CPEB1: variants seen among roughly 807,000 people sequenced by gnomAD.
CPEB1 encodes the protein cytoplasmic polyadenylation element-binding protein 1.
In CPEB1, 7 loss-of-function variants were observed where a neutral mutation model predicts 65.8. That is an observed-to-expected ratio of 0.11 (90% CI 0.06 to 0.20). The LOEUF (loss-of-function observed/expected upper bound fraction) is 0.20. CPEB1 is among the 10% of genes least tolerant of loss of function. The probability of loss-of-function intolerance (pLI) is 1.00; values close to 1 mark genes in which losing one functional copy is unlikely to be tolerated. For synonymous variants in CPEB1, 262 were observed against 260.0 expected (o/e 1.01, Z -0.08); for missense variants, 551 against 712.2 (o/e 0.77, Z 2.58).
chr15:82,576,467 A>T (rs1276432625), intron 3 of CPEB1, among the ~76,000 whole-genome samples: 1 of 152,256 alleles, frequency 6.6e-6, no homozygotes, highest in Non-Finnish European at 1.5e-5. Context: ...AAACAAATAT[A>T]GTATTGAATA....
intron 1 of CPEB1, among the ~76,000 whole-genome samples, chr15:82,641,201 T>C (rs2047081150): frequency 6.6e-6 from 1 of 152,062 alleles, no homozygotes; most frequent in African/African-American, 2.4e-5. Context: ...TAACACCTTT[T>C]GAGCTTCACA....
intron 3 of CPEB1, among the ~76,000 whole-genome samples, chr15:82,619,298 C>T (rs1243519584): frequency 1.3e-5 from 2 of 152,148 alleles, no homozygotes; most frequent in African/African-American, 2.4e-5. Context: ...AAACAAAATT[C>T]CAGATGGGTT....
intron 3 of CPEB1, among the ~76,000 whole-genome samples, chr15:82,621,174 T>C (rs1191138835): frequency 6.6e-6 from 1 of 152,198 alleles, no homozygotes. Context: ...TATGATCCAG[T>C]ACAATAAGAA....
intron 3 of CPEB1, among the ~76,000 whole-genome samples, chr15:82,580,328 A>G (rs948803494): frequency 6.6e-6 from 1 of 151,882 alleles, no homozygotes; most frequent in African/African-American, 2.4e-5. Context: ...TTAAAAAAAA[A>G]AAAAAAGAAG....
At chr15:82,648,422 C>G (rs1000458738), upstream of CPEB1, 14 of 152,386 alleles carry the variant, frequency 9.2e-5, no homozygotes, top group Admixed American at 7.8e-4. Flanking sequence ...CCCCTGGGCT[C>G]CAGGAGGCGC....
At chr15:82,552,640 C>G (rs117172003) in intron 8 of CPEB1, 24 bp from the exon 9 acceptor site, 27,036 of 1,613,174 alleles carry the variant, frequency 0.017, 287 homozygotes, top group Non-Finnish European at 0.02. Flanking sequence ...GAGGAAAAAT[C>G]GCATTAATAT....
intron 3 of CPEB1, among the ~76,000 whole-genome samples, chr15:82,579,457 C>T (rs1262969874): frequency 6.6e-6 from 1 of 151,324 alleles, no homozygotes; most frequent in Non-Finnish European, 1.5e-5. Flanking sequence ...TTCCAATAAA[C>T]AATTATTAAA....
intron 11 of CPEB1, 59 bp from the exon 12 acceptor site, chr15:82,546,580 C>T (rs1297962338): frequency 6.2e-6 from 8 of 1,285,368 alleles, no homozygotes; most frequent in South Asian, 1.2e-5. Flanking sequence ...GCTCGATAGG[C>T]GATAGAAGAA....
intron 3 of CPEB1, among the ~76,000 whole-genome samples, chr15:82,621,101 G>C (rs1327396052): frequency 1.3e-5 from 2 of 152,138 alleles, no homozygotes; most frequent in African/African-American, 4.8e-5. Flanking sequence ...CTGCAAGATG[G>C]GACTGAATGT....
chr15:82,598,965 A>C (rs900807929), intron 3 of CPEB1, among the ~76,000 whole-genome samples: 3 of 152,172 alleles, frequency 2.0e-5, no homozygotes, highest in Non-Finnish European at 4.4e-5. Flanking sequence ...AAGTAAAAAA[A>C]TTTTAACTCT....
chr15:82,554,594 C>T (rs1349120494), intron 6 of CPEB1, among the ~76,000 whole-genome samples: 1 of 152,200 alleles, frequency 6.6e-6, no homozygotes, highest in Non-Finnish European at 1.5e-5. Context: ...TTCCTTGATG[C>T]CAGCATGGTA....
At chr15:82,604,249 C>T (rs1162752323) in intron 3 of CPEB1, among the ~76,000 whole-genome samples, 5 of 151,974 alleles carry the variant, frequency 3.3e-5, no homozygotes, top group African/African-American at 4.8e-5. Context: ...TTTGGGAGGC[C>T]GAGGCAGGCG....
At chr15:82,562,910 A>C (rs960677001) in intron 4 of CPEB1, among the ~76,000 whole-genome samples, 9 of 152,244 alleles carry the variant, frequency 5.9e-5, no homozygotes, top group African/African-American at 2.2e-4. Flanking sequence ...TAAGAGAAAA[A>C]AAAGGCATCA....
chr15:82,557,996 C>CA lies in CPEB1; in HGVS notation c.461-11dup. On this transcript the variant is annotated splice_polypyrimidine_tract_variant and intron_variant, in intron 4 of 12. Coordinates refer to ENST00000684509, the MANE Select transcript of CPEB1 (RefSeq NM_001365242.1). ...TGGAGCATGCTCAGTACTAGGAGGACAAAAAAGGAAACCTCATGACCTCTT... is the reference window on the plus strand; with the variant it reads ...TGGAGCATGCTCAGTACTAGGAGGACAAAAAAAGGAAACCTCATGACCTCTT... 1.0e-5 allele frequency: 16 copies of CA among 1,542,338 alleles called. No homozygotes were observed. The highest frequency in any genetic ancestry group is 1.3e-5 in the Non-Finnish European group (15 of 1,142,948).
intron 3 of CPEB1, among the ~76,000 whole-genome samples, chr15:82,599,173 C>T (rs1054634295): frequency 1.3e-5 from 2 of 152,054 alleles, no homozygotes; most frequent in Admixed American, 6.6e-5. Context: ...AAAAGCAGTT[C>T]TCTTAAAATA....
At chr15:82,646,840 C>T (rs972637779) in intron 1 of CPEB1, among the ~76,000 whole-genome samples, 25 of 152,174 alleles carry the variant, frequency 1.6e-4, no homozygotes, top group Non-Finnish European at 3.2e-4. Flanking sequence ...TGGGTGAGTC[C>T]CCCCACACTC....
At chr15:82,566,308 C>T (rs148812468) in intron 4 of CPEB1, among the ~76,000 whole-genome samples, 7 of 152,126 alleles carry the variant, frequency 4.6e-5, no homozygotes, top group Non-Finnish European at 8.8e-5. Flanking sequence ...AAAAATCTAA[C>T]GGGGAAAATC....
intron 3 of CPEB1, among the ~76,000 whole-genome samples, chr15:82,616,562 G>A (rs374943597): frequency 4.3e-5 from 6 of 138,172 alleles, no homozygotes; most frequent in South Asian, 4.5e-4. Flanking sequence ...TTTTTGAGAC[G>A]GAGTTTCGTT....
In CPEB1 at chr15:82,558,827, G is replaced by A. The variant is rs573268295; in HGVS notation, c.461-841C>T. 5.9e-5 allele frequency among the ~76,000 whole-genome samples: 9 copies of A among 152,200 alleles called. No individual in the cohort carries two copies. The East Asian group carries it at 9.6e-4, about 16-fold the overall frequency. On this transcript the variant is annotated intron_variant, in intron 4 of 12. Transcript: ENST00000684509. ...AAATATGAAACAAAAAAAGAGCAAC[G>A]TTTTCCACACTTGGCCTTGGGGAAC...
Sources: allele counts gnomAD v4.1 joint callset (sites outside exome capture counted in the v4.1 genomes callset), GRCh38; gene constraint gnomAD v4.1.1; transcripts MANE v1.5; gene names NCBI Gene and HGNC (gene_info 2026-07-23, HGNC 2026-07-21).